The following COL24A1 variants were observed in gnomAD, a reference collection of about 807,000 sequenced individuals.
COL24A1 encodes the protein collagen alpha-1(XXIV) chain.
In COL24A1, 224 loss-of-function variants were observed where a neutral mutation model predicts 253.9. That is an observed-to-expected ratio of 0.88 (90% CI 0.79 to 0.99). The LOEUF (loss-of-function observed/expected upper bound fraction) is 0.99. Ranked by LOEUF, COL24A1 falls within the 50% of genes least tolerant of loss-of-function variation. The pLI is 0.00. For missense variants in COL24A1, 2,131 were observed against 2,068.5 expected (o/e 1.03, Z -0.59); for synonymous variants, 685 against 673.7 (o/e 1.02, Z -0.26).
chr1:85,996,401 C>T (rs1389471923), intron 19 of COL24A1, among the ~76,000 whole-genome samples: 1 of 152,032 alleles, frequency 6.6e-6, no homozygotes, highest in Admixed American at 6.5e-5. Flanking sequence ...TTCGGCTGAG[C>T]ACGGTGGCTC....
At chr1:85,969,913 C>T (rs531472541) in intron 22 of COL24A1, among the ~76,000 whole-genome samples, 1 of 152,108 alleles carries the variant, frequency 6.6e-6, no homozygotes, top group Admixed American at 6.6e-5. Context: ...AACAGGAAAT[C>T]TCAGAATATT....
intron 18 of COL24A1, among the ~76,000 whole-genome samples, chr1:86,020,139 C>T (rs1697383454): frequency 7.6e-6 from 1 of 132,058 alleles, no homozygotes. Flanking sequence ...GCAATCTTGA[C>T]TTACTGCAAC....
At chr1:85,748,361 T>C (rs1665510144) in intron 55 of COL24A1, among the ~76,000 whole-genome samples, 1 of 152,236 alleles carries the variant, frequency 6.6e-6, no homozygotes, top group Non-Finnish European at 1.5e-5. Flanking sequence ...ATATGTACTT[T>C]ATATGTCCTT....
chr1:86,097,564 C>T (rs1187651265), intron 5 of COL24A1, among the ~76,000 whole-genome samples: 1 of 6,514 alleles, frequency 1.5e-4, no homozygotes, highest in African/African-American at 2.8e-4. Context: ...CTCCCTTCTC[C>T]TCCCCCTCCT....
rs17128181 is a variant in COL24A1, at chr1:85,744,176, C to T, written c.4672+490G>A. On this transcript the variant is annotated intron_variant, in intron 57 of 59. Coordinates refer to ENST00000370571, the MANE Select transcript of COL24A1 (RefSeq NM_152890.7). ...TTTTTGCACCTCTGGCTAATGAAAT[C>T]GGGGCATCTGTGTTGAGATTAGACA... 9.3e-3 allele frequency among the ~76,000 whole-genome samples: 1,420 copies of T among 152,054 alleles called. 57 individuals are homozygous for T. Among genetic ancestry groups the T allele is most frequent in the Admixed American group, 0.062 (954 of 15,270 alleles).
intron 2 of COL24A1, among the ~76,000 whole-genome samples, chr1:86,145,504 C>T (rs1651751040): frequency 6.6e-6 from 1 of 151,822 alleles, no homozygotes; most frequent in Non-Finnish European, 1.5e-5. Flanking sequence ...TTTACATTTC[C>T]AATCATTGGC....
chr1:85,868,685 A>T lies in COL24A1; in HGVS notation c.3193-59T>A, dbSNP rs1009658288. The T allele has an allele frequency of 2.0e-6, 3 of 1,515,544 alleles. No individual in the cohort carries two copies. In the African/African-American group the frequency reaches 4.1e-5, roughly 21 times the overall value. The allele number at this position is 1,515,544 out of a possible 1,614,324, so 93.9% of individuals were successfully genotyped here. Reference sequence around the variant, plus strand: ...ATACAGTGAAATAATTATGCCAATAATAAACAGGTTTTTGTCACACAAAAA... The same window carrying T: ...ATACAGTGAAATAATTATGCCAATATTAAACAGGTTTTTGTCACACAAAAA... On this transcript the variant is annotated intron_variant, in intron 36 of 59. Transcript: ENST00000370571.
At chr1:85,988,193 A>G (rs1041477306) in intron 19 of COL24A1, among the ~76,000 whole-genome samples, 1 of 151,900 alleles carries the variant, frequency 6.6e-6, no homozygotes, top group African/African-American at 2.4e-5. Flanking sequence ...ACATCCCCAT[A>G]TTTAATTGTC....
intron 20 of COL24A1, among the ~76,000 whole-genome samples, chr1:85,978,385 T>C (rs1335901371): frequency 6.6e-6 from 1 of 151,942 alleles, no homozygotes; most frequent in Non-Finnish European, 1.5e-5. Context: ...CACATCTCAA[T>C]ATTAACGTTG....
chr1:85,950,311 T>C (rs985392282), intron 24 of COL24A1, among the ~76,000 whole-genome samples: 26 of 152,272 alleles, frequency 1.7e-4, no homozygotes, highest in African/African-American at 6.0e-4. Flanking sequence ...TGGATTAAGG[T>C]TGTAAAGAAT....
At chr1:85,848,962 C>T (rs941811443) in intron 38 of COL24A1, among the ~76,000 whole-genome samples, 5 of 152,096 alleles carry the variant, frequency 3.3e-5, no homozygotes, top group African/African-American at 9.7e-5. Flanking sequence ...CTTAGAAAAA[C>T]ACATTGACAA....
At chr1:85,831,673 A>T (rs1210591317) in intron 43 of COL24A1, among the ~76,000 whole-genome samples, 1 of 152,088 alleles carries the variant, frequency 6.6e-6, no homozygotes, top group Non-Finnish European at 1.5e-5. Context: ...AACTTACAGA[A>T]GATTTTATAA....
chr1:86,133,787 T>A (rs1164087114), intron 2 of COL24A1, among the ~76,000 whole-genome samples: 1 of 140,770 alleles, frequency 7.1e-6, no homozygotes, highest in African/African-American at 2.7e-5. Flanking sequence ...TTGATGTTCA[T>A]CAGGGATATT....
At chr1:85,808,954 AG>A (rs1017796516) in intron 47 of COL24A1, among the ~76,000 whole-genome samples, 1 of 152,178 alleles carries the variant, frequency 6.6e-6, no homozygotes, top group African/African-American at 2.4e-5. Flanking sequence ...ATGAAATCAC[AG>A]GGGTGTGGAA....
intron 37 of COL24A1, among the ~76,000 whole-genome samples, chr1:85,863,424 G>A (rs1440278434): frequency 6.6e-6 from 1 of 152,048 alleles, no homozygotes; most frequent in African/African-American, 2.4e-5. Context: ...AGACTTCAAT[G>A]TTAGATCTAA....
At chr1:86,012,030 G>C (rs1035922177) in intron 19 of COL24A1, among the ~76,000 whole-genome samples, 2 of 151,986 alleles carry the variant, frequency 1.3e-5, no homozygotes, top group African/African-American at 4.8e-5. Context: ...GTTGCTCCAG[G>C]CTGGTCTTGA....
chr1:85,880,751 G>A (rs1681743280), intron 32 of COL24A1, among the ~76,000 whole-genome samples: 1 of 150,618 alleles, frequency 6.6e-6, no homozygotes, highest in Non-Finnish European at 1.5e-5. Flanking sequence ...AATTGTTGTT[G>A]GATTTTGTCA....
intron 53 of COL24A1, among the ~76,000 whole-genome samples, chr1:85,774,820 C>A (rs968110226): frequency 9.9e-5 from 15 of 152,086 alleles, no homozygotes; most frequent in African/African-American, 3.4e-4. Flanking sequence ...TTCAAAATAC[C>A]AGCTCCTGGA....
At chr1:85,937,627 T>G (rs1386039618) in intron 24 of COL24A1, among the ~76,000 whole-genome samples, 2 of 147,270 alleles carry the variant, frequency 1.4e-5, no homozygotes. Flanking sequence ...GTAGAAGAGA[T>G]GGAAGGTATG....
Sources: allele counts gnomAD v4.1 joint callset (sites outside exome capture counted in the v4.1 genomes callset), GRCh38; gene constraint gnomAD v4.1.1; transcripts MANE v1.5; gene names NCBI Gene and HGNC (gene_info 2026-07-23, HGNC 2026-07-21).